The following CASD1 variants were observed in gnomAD, a reference collection of about 807,000 sequenced individuals.
CASD1 encodes N-acetylneuraminate (7)9-O-acetyltransferase.
Under a neutral mutation model 100.0 loss-of-function variants are expected in CASD1, and 41 were observed. That is an observed-to-expected ratio of 0.41 (90% CI 0.32 to 0.53). CASD1 has a LOEUF of 0.53. CASD1 is among the 20% of genes least tolerant of loss of function. The pLI, the probability that CASD1 is intolerant of heterozygous loss-of-function variation, is 0.25. For synonymous variants in CASD1, 321 were observed against 315.6 expected, an observed-to-expected ratio of 1.02 and a Z score of -0.18; for missense variants, 774 against 948.7, an observed-to-expected ratio of 0.82 and a Z score of 2.42.
chr7:94,620,319 C>T, the CASD1 span: 16 of 152,230 alleles, frequency 1.1e-4, no homozygotes, highest in African/African-American at 3.1e-4. Context: ...TTTTTCAAAG[C>T]CCTAATCATA....
At chr7:94,546,896 T>G (rs1795707480) in intron 12 of CASD1, among the ~76,000 whole-genome samples, 200 bp from the exon 13 acceptor site, 1 of 151,796 alleles carries the variant, frequency 6.6e-6, no homozygotes, top group Non-Finnish European at 1.5e-5. Flanking sequence ...CTTTATAGCC[T>G]CATGCCTAGC....
chr7:94,625,165 A>C, the CASD1 span: 1 of 151,994 alleles, frequency 6.6e-6, no homozygotes, highest in African/African-American at 2.4e-5. Flanking sequence ...TAGATACTTA[A>C]AATCTAAATA....
chr7:94,528,598 T>C (rs966509916), intron 5 of CASD1, among the ~76,000 whole-genome samples: 1 of 152,204 alleles, frequency 6.6e-6, no homozygotes, highest in African/African-American at 2.4e-5. Flanking sequence ...GTTTTCTCCT[T>C]CAAACTCATG....
chr7:94,573,695 C>G, the CASD1 span, among the ~76,000 whole-genome samples: 1 of 152,162 alleles, frequency 6.6e-6, no homozygotes, highest in Non-Finnish European at 1.5e-5. Context: ...TTGATATCCA[C>G]TTTTCCTGTT....
chr7:94,600,610 G>A, the CASD1 span: 1 of 1,437,490 alleles, frequency 7.0e-7, no homozygotes, highest in East Asian at 2.3e-5. Flanking sequence ...ATCTTAGCAG[G>A]ATCTCTAATT....
the CASD1 span, among the ~76,000 whole-genome samples, chr7:94,576,126 T>C: frequency 6.6e-6 from 1 of 152,226 alleles, no homozygotes; most frequent in Non-Finnish European, 1.5e-5. Flanking sequence ...TATGATGATA[T>C]GCTTATGGAA....
the CASD1 span, among the ~76,000 whole-genome samples, chr7:94,590,222 T>TAATA: frequency 6.6e-6 from 1 of 152,148 alleles, no homozygotes; most frequent in Admixed American, 6.5e-5. Context: ...ATTACTCTTA[T>TAATA]AGTTTAAAAA....
At chr7:94,549,466 T>G (rs986831859) in intron 13 of CASD1, 67 bp from the exon 14 acceptor site, 1 of 1,091,750 alleles carries the variant, frequency 9.2e-7, no homozygotes, top group African/African-American at 1.6e-5. Flanking sequence ...CTATAATCTG[T>G]AATAGAATTG....
At chr7:94,570,574 A>G in the CASD1 span, among the ~76,000 whole-genome samples, 2 of 152,020 alleles carry the variant, frequency 1.3e-5, no homozygotes, top group African/African-American at 4.8e-5. Flanking sequence ...GGCTCACTGC[A>G]ACATCCACCT....
At chr7:94,603,508 A>G in the CASD1 span, 1 of 1,518,812 alleles carries the variant, frequency 6.6e-7, no homozygotes, top group Non-Finnish European at 9.1e-7. Context: ...AACACTAAAA[A>G]ACAATCCACC....
At chr7:94,534,486 A>G (rs1795020755) in intron 7 of CASD1, among the ~76,000 whole-genome samples, 1 of 152,232 alleles carries the variant, frequency 6.6e-6, no homozygotes, top group Non-Finnish European at 1.5e-5. Context: ...TGAAAAAATA[A>G]AAATAATTAA....
At chr7:94,512,423 G>A (rs1397148631) in intron 1 of CASD1, among the ~76,000 whole-genome samples, 1 of 152,318 alleles carries the variant, frequency 6.6e-6, no homozygotes, top group African/African-American at 2.4e-5. Context: ...CTGTGTATTT[G>A]GATTTTGAAT....
intron 16 of CASD1, 30 bp downstream of exon 16, chr7:94,552,457 A>G: frequency 6.6e-7 from 1 of 1,506,546 alleles, no homozygotes; most frequent in Non-Finnish European, 9.0e-7. Context: ...AAATTTCTAC[A>G]TCTTAATTCT....
At chr7:94,586,780 G>A in the CASD1 span, 1 of 961,370 alleles carries the variant, frequency 1.0e-6, no homozygotes, top group South Asian at 4.8e-5. Context: ...GGGATTACAG[G>A]TGTGAGCCAC....
At chr7:94,619,006 A>G in the CASD1 span, 1 of 1,301,300 alleles carries the variant, frequency 7.7e-7, no homozygotes, top group East Asian at 2.3e-5. Context: ...GTAGTCTTTT[A>G]AAAAGGAAAC....
chr7:94,535,662 T>A (rs1795082758), intron 8 of CASD1, 139 bp downstream of exon 8: 1 of 648,594 alleles, frequency 1.5e-6, no homozygotes, highest in Admixed American at 2.9e-5. Flanking sequence ...TAAAGATACA[T>A]CTAGAAATTA....
intron 1 of CASD1, among the ~76,000 whole-genome samples, chr7:94,516,643 C>G (rs1321540184): frequency 1.3e-5 from 2 of 151,796 alleles, no homozygotes; most frequent in South Asian, 4.2e-4. Context: ...CCCCAACCCA[C>G]CCCATTCCTT....
At chr7:94,598,930 T>C in the CASD1 span, 1 of 1,613,954 alleles carries the variant, frequency 6.2e-7, no homozygotes. Flanking sequence ...CCTTGGTAGA[T>C]TTCTGAATAG....
At chr7:94,559,310 G>GTGTGTGTGTA (rs1554417438), downstream of CASD1, among the ~76,000 whole-genome samples, 26 of 125,730 alleles carry the variant, frequency 2.1e-4, no homozygotes, top group African/African-American at 5.3e-4. Context: ...GTGTGTATGT[G>GTGTGTGTGTA]TGTGTGTGTG....
Sources: allele counts gnomAD v4.1 joint callset (sites outside exome capture counted in the v4.1 genomes callset), GRCh38; gene constraint gnomAD v4.1.1; transcripts MANE v1.5; gene names NCBI Gene and HGNC (gene_info 2026-07-23, HGNC 2026-07-21).